Variants in SORCS2 observed in about 807,000 individuals in gnomAD.
The protein encoded by SORCS2 is VPS10 domain-containing receptor SorCS2.
In SORCS2, 100 loss-of-function variants were observed where a neutral mutation model predicts 141.6. The ratio of observed to expected loss-of-function variants is 0.71; its 90% CI spans 0.60 to 0.83. The LOEUF is 0.83. Among genes scored for constraint, SORCS2 ranks in the 40% least tolerant of loss-of-function variants. The probability of loss-of-function intolerance (pLI) is 0.00; values close to 1 mark genes in which losing one functional copy is unlikely to be tolerated. For synonymous variants in SORCS2, 789 were observed against 676.9 expected (o/e 1.17, Z -2.57); for missense variants, 1,646 against 1,560.2 (o/e 1.05, Z -0.93).
intron 2 of SORCS2, among the ~76,000 whole-genome samples, chr4:7,520,590 A>T (rs1577689572): frequency 1.3e-5 from 2 of 152,168 alleles, no homozygotes; most frequent in South Asian, 2.1e-4. Context: ...AGCTGAACCC[A>T]CATGTGGAAG....
chr4:7,713,272 T>C (rs1159146500), intron 15 of SORCS2, among the ~76,000 whole-genome samples: 2 of 152,000 alleles, frequency 1.3e-5, no homozygotes, highest in Non-Finnish European at 2.9e-5. Flanking sequence ...CTACAGCAAA[T>C]GTGTAATATG....
intron 1 of SORCS2, among the ~76,000 whole-genome samples, chr4:7,343,766 G>A (rs774932322): frequency 6.6e-6 from 1 of 152,206 alleles, no homozygotes; most frequent in Middle Eastern, 3.2e-3. Context: ...TTGGTACACG[G>A]CGTAGAATAA....
At chr4:7,713,331 A>G (rs555641867) in intron 15 of SORCS2, among the ~76,000 whole-genome samples, 37 of 151,878 alleles carry the variant, frequency 2.4e-4, no homozygotes, top group African/African-American at 8.4e-4. Context: ...TGTAGTTCCA[A>G]TCAGGCTGTG....
In SORCS2 at chr4:7,338,317, G is replaced by A. The variant is rs111307663; in HGVS notation, c.481-57971G>A. Among the ~76,000 whole-genome samples the A allele has an allele frequency of 2.5e-3, 370 of 149,624 alleles. 4 individuals carry two copies. The highest frequency in any genetic ancestry group is 8.5e-3 in the African/African-American group (347 of 40,634). ...ATGGATGGATGGATGGATGGATGTC[G>A]GTTGGATGGAAGGATGGCTGGCTGG... On this transcript the variant is annotated intron_variant, in intron 1 of 26. Transcript: ENST00000507866.
chr4:7,259,168 C>T (rs1018572028), intron 1 of SORCS2, among the ~76,000 whole-genome samples: 7 of 152,202 alleles, frequency 4.6e-5, no homozygotes, highest in East Asian at 1.9e-4. Flanking sequence ...TTGTTGCCAC[C>T]GTTTCTTTAA....
intron 3 of SORCS2, among the ~76,000 whole-genome samples, chr4:7,600,394 C>A (rs571611104): frequency 6.6e-6 from 1 of 152,110 alleles, no homozygotes; most frequent in East Asian, 1.9e-4. Flanking sequence ...ACATGCCAGG[C>A]GCTTGGCACG....
At chr4:7,481,849 A>G (rs1191969200) in intron 2 of SORCS2, among the ~76,000 whole-genome samples, 1 of 152,098 alleles carries the variant, frequency 6.6e-6, no homozygotes, top group African/African-American at 2.4e-5. Flanking sequence ...GACCTTTGTC[A>G]CGCTGGATGG....
intron 1 of SORCS2, among the ~76,000 whole-genome samples, chr4:7,269,403 C>T (rs775818707): frequency 6.6e-6 from 1 of 152,176 alleles, no homozygotes; most frequent in South Asian, 2.1e-4. Flanking sequence ...AAGAGATGTC[C>T]GTATCCTAAC....
chr4:7,715,431 A>G, intron 17 of SORCS2, 120 bp downstream of exon 17: 1 of 1,434,124 alleles, frequency 7.0e-7, no homozygotes, highest in South Asian at 1.4e-5. Context: ...GAGTCGGGGA[A>G]AGAGAGGTCA....
chr4:7,537,899 T>A (rs544050966), intron 3 of SORCS2, among the ~76,000 whole-genome samples: 47 of 152,176 alleles, frequency 3.1e-4, no homozygotes, highest in African/African-American at 1.1e-3. Flanking sequence ...GGTGGGAAGA[T>A]GGATTGAGCC....
At chr4:7,379,835 G>T (rs1019927491) in intron 1 of SORCS2, among the ~76,000 whole-genome samples, 2 of 152,208 alleles carry the variant, frequency 1.3e-5, no homozygotes, top group African/African-American at 2.4e-5. Context: ...CACGCTGAAG[G>T]CAGCTGCAGA....
At chr4:7,727,436 C>G (rs879654966) in intron 21 of SORCS2, among the ~76,000 whole-genome samples, 130 of 152,118 alleles carry the variant, frequency 8.5e-4, no homozygotes, top group Non-Finnish European at 9.1e-4. Flanking sequence ...GACCCCCCCC[C>G]CCCTTGTCAA....
chr4:7,352,857 G>A lies in SORCS2; in HGVS notation c.481-43431G>A, dbSNP rs115290240. On this transcript the variant is annotated intron_variant, in intron 1 of 26. Coordinates refer to ENST00000507866, the MANE Select transcript of SORCS2 (RefSeq NM_020777.3). The stretch of plus-strand genomic sequence containing the variant: ...CACGGCCTTTGTCATCCTGGGGTGC[G>A]TATAACTCTGACCCCCATGTAGGTG... 3.9e-3 allele frequency among the ~76,000 whole-genome samples: 597 copies of A among 152,308 alleles called. 3 individuals are homozygous for A. The highest frequency in any genetic ancestry group is 0.013 in the African/African-American group (543 of 41,566).
chr4:7,726,284 G>C (rs1266367411), intron 20 of SORCS2, among the ~76,000 whole-genome samples: 1 of 152,228 alleles, frequency 6.6e-6, no homozygotes, highest in Non-Finnish European at 1.5e-5. Flanking sequence ...GGCAGGCCTG[G>C]GGAGCTGTTG....
chr4:7,593,375 G>T (rs566260653), intron 3 of SORCS2, among the ~76,000 whole-genome samples: 2 of 152,182 alleles, frequency 1.3e-5, no homozygotes, highest in African/African-American at 2.4e-5. Context: ...CAGGTGAGGC[G>T]GGAGGTACTG....
intron 3 of SORCS2, among the ~76,000 whole-genome samples, chr4:7,536,837 G>C (rs1188868027): frequency 2.6e-5 from 1 of 38,832 alleles, no homozygotes; most frequent in African/African-American, 4.0e-5. Context: ...AGATGTGGGG[G>C]GGGGGGGCGG....
At chr4:7,383,817 A>G (rs1723134398) in intron 1 of SORCS2, among the ~76,000 whole-genome samples, 1 of 152,240 alleles carries the variant, frequency 6.6e-6, no homozygotes, top group South Asian at 2.1e-4. Context: ...TGACGGGTGA[A>G]ATTAAAATTC....
At chr4:7,440,351 C>G (rs573174972) in intron 2 of SORCS2, among the ~76,000 whole-genome samples, 2 of 152,348 alleles carry the variant, frequency 1.3e-5, no homozygotes, top group Admixed American at 1.3e-4. Flanking sequence ...AGCCATCTTT[C>G]AGAGAGTGTA....
chr4:7,531,912 C>G (rs747825592), intron 3 of SORCS2, among the ~76,000 whole-genome samples: 20 of 152,286 alleles, frequency 1.3e-4, no homozygotes, highest in Non-Finnish European at 2.2e-4. Context: ...CATCAGAGCA[C>G]AGCAGGGAGG....
Sources: gnomAD v4.1 joint callset for allele counts (sites outside exome capture counted in the v4.1 genomes callset) on GRCh38, gnomAD v4.1.1 for gene constraint, MANE v1.5 for transcripts, NCBI Gene and HGNC (gene_info 2026-07-23, HGNC 2026-07-21) for gene names.